SLC6A20: variants seen among roughly 807,000 people sequenced by gnomAD.
SLC6A20 encodes the protein sodium- and chloride-dependent transporter XTRP3.
Under a neutral mutation model 64.3 loss-of-function variants are expected in SLC6A20, and 73 were observed. That is an observed-to-expected ratio of 1.14 (90% CI 0.94 to 1.38). The LOEUF (loss-of-function observed/expected upper bound fraction) is 1.38, where lower values mean the gene tolerates loss of function less well. SLC6A20 is among the 40% of genes most tolerant of loss of function. SLC6A20 has a pLI of 0.00. For missense variants in SLC6A20, 725 were observed against 772.8 expected (o/e 0.94, Z 0.73); for synonymous variants, 347 against 329.6 (o/e 1.05, Z -0.57).
At chr3:45,762,030 G>A (rs1328581064) in intron 9 of SLC6A20, among the ~76,000 whole-genome samples, 7 of 152,172 alleles carry the variant, frequency 4.6e-5, no homozygotes, top group African/African-American at 7.2e-5. Context: ...AGAAAACAAC[G>A]TGGCACAGCC....
intron 1 of SLC6A20, among the ~76,000 whole-genome samples, chr3:45,785,334 G>T (rs764478267): frequency 6.6e-6 from 1 of 152,148 alleles, no homozygotes; most frequent in Admixed American, 6.5e-5. Flanking sequence ...TAACATTTGA[G>T]TTAGTGGGCT....
At chr3:45,767,671 T>A (rs528762740) in intron 7 of SLC6A20, among the ~76,000 whole-genome samples, 1 of 152,146 alleles carries the variant, frequency 6.6e-6, no homozygotes. Flanking sequence ...ATAAGAAACA[T>A]TGGACCCTTA....
rs1699644164 is a variant in SLC6A20 at position 45,760,128 on chromosome 3, T to G, written c.1464-106A>C. ...CAAAGGAACATTCTGTTCTAGGTGG[T>G]AAAGGATGTCTGAGCTTGGCCACTG... On this transcript the variant is annotated intron_variant, in intron 9 of 10. Transcript: ENST00000358525. The G allele has an allele frequency of 3.0e-6, 4 of 1,313,818 alleles. No individual in the cohort carries two copies. The East Asian group carries it at 9.4e-5, about 31-fold the overall frequency. The allele number at this position is 1,313,818 out of a possible 1,614,324, so 81.4% of individuals were successfully genotyped here.
At chr3:45,767,223 C>G (rs776954257) in intron 7 of SLC6A20, among the ~76,000 whole-genome samples, 1 of 152,144 alleles carries the variant, frequency 6.6e-6, no homozygotes, top group Non-Finnish European at 1.5e-5. Context: ...CATGAGCCAG[C>G]AATTCTAAAT....
chr3:45,759,840 A>G lies in SLC6A20; in HGVS notation c.1629+17T>C, dbSNP rs1317875646. 18 of 1,606,062 alleles carry G rather than the reference A, an allele frequency of 1.1e-5. No homozygotes were observed. The highest frequency in any genetic ancestry group is 1.4e-5 in the Non-Finnish European group (17 of 1,176,846). On this transcript the variant is annotated intron_variant, in intron 10 of 10. Coordinates refer to ENST00000358525, the MANE Select transcript of SLC6A20 (RefSeq NM_020208.4). ...GCCATGGGGGCCCAGCGCCAGCCCT[A>G]CGGAGACAGTAGATACCTGGGAGGC...
At chr3:45,770,948 G>A (rs1456085953) in intron 6 of SLC6A20, among the ~76,000 whole-genome samples, 1 of 152,196 alleles carries the variant, frequency 6.6e-6, no homozygotes, top group Admixed American at 6.5e-5. Flanking sequence ...TTCTGAGGTG[G>A]GGGAGATGGG....
At chr3:45,788,008 C>A (rs1022333280) in intron 1 of SLC6A20, among the ~76,000 whole-genome samples, 4 of 152,082 alleles carry the variant, frequency 2.6e-5, no homozygotes, top group Non-Finnish European at 5.9e-5. Context: ...TGCAGTGGTG[C>A]GATCACGGCT....
chr3:45,771,589 G>C (rs1466200309), intron 5 of SLC6A20, 131 bp from the exon 6 acceptor site: 1 of 1,431,680 alleles, frequency 7.0e-7, no homozygotes, highest in Non-Finnish European at 9.3e-7. Context: ...GGCACCCCTA[G>C]GGCTGGAGAC....
At chr3:45,775,707 G>A (rs1699952680) in intron 4 of SLC6A20, 54 bp downstream of exon 4, 1 of 1,539,382 alleles carries the variant, frequency 6.5e-7, no homozygotes, top group Non-Finnish European at 8.8e-7. Flanking sequence ...GCTGCCCCTT[G>A]GTGCACCCTC....
chr3:45,760,043 GA>G, intron 9 of SLC6A20, 21 bp from the exon 10 acceptor site: 1 of 1,601,160 alleles, frequency 6.2e-7, no homozygotes, highest in Non-Finnish European at 8.5e-7. Flanking sequence ...AACAGGGAGA[GA>G]AAGTCTGGAT....
chr3:45,766,109 G>A (rs1161181163), intron 7 of SLC6A20, among the ~76,000 whole-genome samples: 2 of 152,232 alleles, frequency 1.3e-5, no homozygotes, highest in Non-Finnish European at 2.9e-5. Flanking sequence ...TGAGGAGGGA[G>A]GGCGGGGCCA....
chr3:45,772,599 G>A lies in SLC6A20; in HGVS notation c.599C>T (p.Ala200Val), dbSNP rs747095857. The A allele has an allele frequency of 1.2e-5, 20 of 1,613,562 alleles. No homozygotes were observed. The highest frequency in any genetic ancestry group is 3.3e-5 in the Admixed American group (2 of 59,946). The change falls in exon 5 of 11, where the codon GCG becomes GTG. Residue 200 changes from alanine to valine, a missense_variant. Ala to Val is a moderately conservative substitution (Grantham distance 64). Transcript: ENST00000358525. ...ESTGKVVYFTASLPYCVLIIY... is the reference protein window; with the variant it reads ...ESTGKVVYFTVSLPYCVLIIY... ...GATGAGCACGCAATAGGGCAGTGAC[G>A]CCGTGAAATACACCACCTGCGGGCA...
intron 1 of SLC6A20, among the ~76,000 whole-genome samples, 174 bp downstream of exon 1, chr3:45,796,125 C>T (rs1234744406): frequency 1.3e-5 from 2 of 152,140 alleles, no homozygotes; most frequent in East Asian, 1.9e-4. Flanking sequence ...GAGAGAGCTC[C>T]GGCTCCGGAA....
chr3:45,772,618 G>T lies in SLC6A20; in HGVS notation c.583-3C>A, dbSNP rs751050900. 1 of 1,612,088 alleles carries T rather than the reference G, an allele frequency of 6.2e-7. No individual in the cohort carries two copies. The highest frequency in any genetic ancestry group is 8.5e-7 in the Non-Finnish European group (1 of 1,179,140). ...AGTGACGCCGTGAAATACACCACCT[G>T]CGGGCATCAGAGGGCAGAGTTGGCC... On this transcript the variant is annotated splice_region_variant and splice_polypyrimidine_tract_variant and intron_variant, in intron 4 of 10. Transcript: ENST00000358525.
rs771153930 is a variant in SLC6A20, at chr3:45,772,529, G to T, written c.669C>A (p.Gly223=). ...RGLTLHGATN[G]LMYMFTPKIE... is the part of the protein sequence containing the mutation. ...CCTTGGGAGTGAACATGTACATGAG[G>T]CCATTGGTGGCTCCGTGGAGCGTGA... The change falls in exon 5 of 11, where the codon GGC becomes GGA. Residue 223 remains glycine (G), a synonymous_variant. Transcript: ENST00000358525. 5 of 1,613,906 alleles carry T rather than the reference G, an allele frequency of 3.1e-6. No homozygotes were observed. Among genetic ancestry groups the T allele is most frequent in the Non-Finnish European group, 4.2e-6 (5 of 1,179,902 alleles).
intron 9 of SLC6A20, among the ~76,000 whole-genome samples, chr3:45,760,877 A>T (rs1157484684): frequency 1.3e-5 from 2 of 152,206 alleles, no homozygotes; most frequent in Non-Finnish European, 2.9e-5. Flanking sequence ...AGGGCTTGGT[A>T]AAGACCAGGC....
chr3:45,765,401 A>G lies in SLC6A20; in HGVS notation c.1303+136T>C. The G allele has an allele frequency of 1.2e-6, 1 of 868,314 alleles. No homozygotes were observed. Among genetic ancestry groups the G allele is most frequent in the Non-Finnish European group, 1.8e-6 (1 of 562,848 alleles). The allele number at this position is 868,314 out of a possible 1,614,324, so 53.8% of individuals were successfully genotyped here. On this transcript the variant is annotated intron_variant, in intron 8 of 10. Transcript: ENST00000358525. This position sits in a 1 kb window ranked among gnomAD's most constrained non-coding sequence, Gnocchi z 4.2. ...GTCCCAGGTTGTGAGAAGACATGGC[A>G]GGACCGTGGTGAGGTGGCTGCAACC...
At chr3:45,766,207 G>C (rs9867918) in intron 7 of SLC6A20, among the ~76,000 whole-genome samples, 21,733 of 152,142 alleles carry the variant, frequency 0.14, 1,627 homozygotes, top group Admixed American at 0.16. Flanking sequence ...TCCCTGTGCT[G>C]GTAACTCTGT....
At chr3:45,791,410 G>A (rs1700248714) in intron 1 of SLC6A20, among the ~76,000 whole-genome samples, 1 of 152,166 alleles carries the variant, frequency 6.6e-6, no homozygotes, top group African/African-American at 2.4e-5. Flanking sequence ...TTAAAGCTAT[G>A]GGCTGATTCC....
Sources: gnomAD v4.1 joint callset for allele counts (sites outside exome capture counted in the v4.1 genomes callset) on GRCh38, gnomAD v4.1.1 for gene constraint, Gnocchi (gnomAD v3.1) non-coding constraint, MANE v1.5 for transcripts, NCBI Gene and HGNC (gene_info 2026-07-23, HGNC 2026-07-21) for gene names.